The following ABLIM1 variants were observed in gnomAD, a reference collection of about 807,000 sequenced individuals.
ABLIM1 encodes the protein actin binding LIM protein 1, also known as actin-binding LIM protein 1.
Under a neutral mutation model 107.0 loss-of-function variants are expected in ABLIM1, and 40 were observed. The ratio of observed to expected loss-of-function variants is 0.37; its 90% CI spans 0.29 to 0.49. ABLIM1 has a LOEUF of 0.49. Ranked by LOEUF, ABLIM1 falls within the 20% of genes least tolerant of loss-of-function variation. The probability of loss-of-function intolerance (pLI) is 0.97; values close to 1 mark genes in which losing one functional copy is unlikely to be tolerated. For missense variants in ABLIM1, 857 were observed against 1,008.5 expected (o/e 0.85, Z 2.04); for synonymous variants, 357 against 357.3 (o/e 1.00, Z 0.01).
chr10:114,566,110 C>A (rs2070709733), intron 4 of ABLIM1, among the ~76,000 whole-genome samples: 1 of 152,090 alleles, frequency 6.6e-6, no homozygotes. Flanking sequence ...GATTTCAATT[C>A]AGTCAGACTA....
Position 114,444,140 on chromosome 10 carries a change from C to G in ABLIM1, c.1828-6G>C. ...TGTCCCAGGCCTGAGTTAAGCTATTCACAGAAAAAAGGAAAAAAAAAAAAA... is the reference window on the plus strand; with the variant it reads ...TGTCCCAGGCCTGAGTTAAGCTATTGACAGAAAAAAGGAAAAAAAAAAAAA... On this transcript the variant is annotated splice_polypyrimidine_tract_variant and splice_region_variant and intron_variant, in intron 16 of 22. Coordinates refer to ENST00000533213, the MANE Select transcript of ABLIM1 (RefSeq NM_002313.7). The G allele has an allele frequency of 7.1e-7, 1 of 1,403,360 alleles. No homozygotes were observed. Among genetic ancestry groups the G allele is most frequent in the Middle Eastern group, 1.8e-4 (1 of 5,436 alleles). The allele number at this position is 1,403,360 out of a possible 1,614,324, so 86.9% of individuals were successfully genotyped here. A position where few individuals can be genotyped will look rare whatever the true frequency, so the allele number is the denominator to read the frequency against.
At chr10:114,752,842 G>GAC (rs2142452190) in intron 1 of ABLIM1, among the ~76,000 whole-genome samples, 1 of 152,258 alleles carries the variant, frequency 6.6e-6, no homozygotes, top group South Asian at 2.1e-4. Flanking sequence ...GTCTATCATT[G>GAC]ATGGGCATTT....
intron 10 of ABLIM1, among the ~76,000 whole-genome samples, chr10:114,471,605 C>G (rs919389926): frequency 6.6e-6 from 1 of 151,714 alleles, no homozygotes; most frequent in African/African-American, 2.4e-5. Context: ...ACCTTTTCCA[C>G]GCAGAGCTAT....
chr10:114,800,447 T>A, the ABLIM1 span, among the ~76,000 whole-genome samples: 836 of 152,280 alleles, frequency 5.5e-3, 4 homozygotes, highest in Non-Finnish European at 6.5e-3. Context: ...CACCATTCTG[T>A]AAATTAAGGG....
At chr10:114,571,516 C>A in intron 3 of ABLIM1, 110 bp from the exon 4 acceptor site, 1 of 1,042,806 alleles carries the variant, frequency 9.6e-7, no homozygotes. Context: ...GGAGAAGCAG[C>A]AGCCAACATG....
At chr10:114,699,823 CAAAGG>C (rs2081271773) in intron 1 of ABLIM1, among the ~76,000 whole-genome samples, 1 of 152,078 alleles carries the variant, frequency 6.6e-6, no homozygotes, top group African/African-American at 2.4e-5. Flanking sequence ...AAGGGCAGCC[CAAAGG>C]ATCCTTGTGG....
the ABLIM1 span, among the ~76,000 whole-genome samples, chr10:114,792,684 C>A: frequency 1.3e-5 from 2 of 152,258 alleles, no homozygotes; most frequent in East Asian, 1.9e-4. Context: ...TTGGGTAAAC[C>A]AATCCAATCC....
intron 1 of ABLIM1, among the ~76,000 whole-genome samples, chr10:114,603,621 C>T (rs926456095): frequency 2.7e-5 from 4 of 150,708 alleles, no homozygotes; most frequent in Admixed American, 2.6e-4. Context: ...GGCCAAAAAA[C>T]CTATCCCTTG....
intron 12 of ABLIM1, among the ~76,000 whole-genome samples, chr10:114,461,392 GGT>G (rs1491380195): frequency 2.0e-5 from 2 of 102,374 alleles, no homozygotes; most frequent in African/African-American, 1.0e-4. Flanking sequence ...ACAACTGAAG[GGT>G]TTTTTTTTTT....
intron 1 of ABLIM1, among the ~76,000 whole-genome samples, chr10:114,677,114 C>A (rs1275626591): frequency 6.6e-6 from 1 of 152,134 alleles, no homozygotes; most frequent in Non-Finnish European, 1.5e-5. Context: ...CCTCCTGGAA[C>A]CCCTGGCATG....
chr10:114,575,404 A>G lies in ABLIM1; in HGVS notation c.563+12T>C. 6.2e-7 allele frequency: 1 copy of G among 1,612,156 alleles called. No homozygotes were observed. Among genetic ancestry groups the G allele is most frequent in the Non-Finnish European group, 8.5e-7 (1 of 1,178,900 alleles). ...AGGAAGGTGTAGGCTTTGGAAAGATAGGCTCACTTACTTGCAGATAGTACA... is the reference window on the plus strand; with the variant it reads ...AGGAAGGTGTAGGCTTTGGAAAGATGGGCTCACTTACTTGCAGATAGTACA... On this transcript the variant is annotated intron_variant, in intron 3 of 22. Transcript: ENST00000533213.
intron 6 of ABLIM1, among the ~76,000 whole-genome samples, chr10:114,520,221 A>G (rs2063523675): frequency 1.3e-5 from 2 of 152,220 alleles, no homozygotes; most frequent in Non-Finnish European, 2.9e-5. Context: ...GCTCCAAGCC[A>G]GCTTACAGCA....
intron 1 of ABLIM1, among the ~76,000 whole-genome samples, chr10:114,608,908 A>G (rs1409805666): frequency 6.8e-6 from 1 of 146,306 alleles, no homozygotes; most frequent in African/African-American, 2.5e-5. Flanking sequence ...CCAGCTACTC[A>G]GGAGGCTGAG....
intron 6 of ABLIM1, among the ~76,000 whole-genome samples, chr10:114,543,901 C>T (rs984424966): frequency 6.6e-6 from 1 of 152,216 alleles, no homozygotes; most frequent in East Asian, 1.9e-4. Flanking sequence ...ACAACCACAC[C>T]CTTCTCTCCC....
At chr10:114,684,283 G>A in intron 1 of ABLIM1, 1 of 1,613,318 alleles carries the variant, frequency 6.2e-7, no homozygotes, top group Non-Finnish European at 8.5e-7. Flanking sequence ...AAAATGGACG[G>A]TCTAACCTTT....
intron 1 of ABLIM1, among the ~76,000 whole-genome samples, chr10:114,704,936 C>G (rs548682571): frequency 5.0e-4 from 76 of 152,302 alleles, no homozygotes; most frequent in African/African-American, 1.8e-3. Flanking sequence ...GTATACCAGT[C>G]TTAAGACGTT....
intron 1 of ABLIM1, among the ~76,000 whole-genome samples, chr10:114,704,290 CTCTCTCTCTCTCTA>C (rs1233228673): frequency 3.7e-5 from 1 of 26,852 alleles, no homozygotes; most frequent in African/African-American, 1.4e-4. Context: ...CTCTCTCTCT[CTCTCTCTCTCTCTA>C]TATATATATA....
At chr10:114,448,085 C>A (rs1396450699) in intron 14 of ABLIM1, 65 bp from the exon 15 acceptor site, 4 of 1,591,260 alleles carry the variant, frequency 2.5e-6, no homozygotes, top group Non-Finnish European at 3.4e-6. Flanking sequence ...CGGTACAACC[C>A]CACTTACATA....
At chr10:114,483,287 T>C (rs2057665879) in intron 8 of ABLIM1, among the ~76,000 whole-genome samples, 1 of 152,176 alleles carries the variant, frequency 6.6e-6, no homozygotes, top group South Asian at 2.1e-4. Flanking sequence ...TGGTTTTTTT[T>C]TGAGACAGGG....
Sources: allele counts gnomAD v4.1 joint callset (sites outside exome capture counted in the v4.1 genomes callset), GRCh38; gene constraint gnomAD v4.1.1; transcripts MANE v1.5; gene names NCBI Gene and HGNC (gene_info 2026-07-23, HGNC 2026-07-21).